The following SMURF1 variants were observed in gnomAD, a reference collection of about 807,000 sequenced individuals.
The protein encoded by SMURF1 is E3 ubiquitin-protein ligase SMURF1.
A neutral mutation model predicts 98.0 loss-of-function variants in SMURF1; 44 were observed. The ratio of observed to expected loss-of-function variants is 0.45; its 90% CI spans 0.35 to 0.58. The LOEUF (loss-of-function observed/expected upper bound fraction) is 0.58. Ranked by LOEUF, SMURF1 falls within the 20% of genes least tolerant of loss-of-function variation. The pLI, the probability that SMURF1 is intolerant of heterozygous loss-of-function variation, is 0.00. For synonymous variants in SMURF1, 396 were observed against 374.9 expected (o/e 1.06, Z -0.65); for missense variants, 687 against 938.4 (o/e 0.73, Z 3.50).
intron 12 of SMURF1, among the ~76,000 whole-genome samples, chr7:99,041,902 C>G (rs1301358529): frequency 1.3e-5 from 2 of 152,216 alleles, no homozygotes; most frequent in Non-Finnish European, 2.9e-5. Flanking sequence ...CCCTTCATCT[C>G]CTTCAACACA....
chr7:99,095,882 C>T lies in SMURF1; in HGVS notation c.56-34045G>A, dbSNP rs952941118. Among the ~76,000 whole-genome samples the T allele has an allele frequency of 2.0e-5, 3 of 152,180 alleles. No homozygotes were observed. In the East Asian group the frequency reaches 5.8e-4, roughly 29 times the overall value. The stretch of plus-strand genomic sequence containing the variant: ...AAGTCTAGAAGCCTGAGATCAGTGC[C>T]TGAGCCTGGAGAAAACCCAGATGTC... On this transcript the variant is annotated intron_variant, in intron 1 of 17. Coordinates refer to ENST00000361368, the MANE Select transcript of SMURF1 (RefSeq NM_181349.3).
chr7:99,132,315 G>A (rs2150643020), intron 1 of SMURF1, among the ~76,000 whole-genome samples: 1 of 152,208 alleles, frequency 6.6e-6, no homozygotes, highest in Non-Finnish European at 1.5e-5. Context: ...AAACAAGGAG[G>A]GCATTAATTC....
chr7:99,139,375 A>G (rs1284177560), intron 1 of SMURF1, among the ~76,000 whole-genome samples: 3 of 152,212 alleles, frequency 2.0e-5, no homozygotes, highest in Non-Finnish European at 4.4e-5. Context: ...ATATGCAGTC[A>G]TGCTCCAAAA....
At chr7:99,108,727 C>T (rs2150600921) in intron 1 of SMURF1, among the ~76,000 whole-genome samples, 2 of 151,056 alleles carry the variant, frequency 1.3e-5, no homozygotes, top group Middle Eastern at 6.9e-3. Flanking sequence ...AATTCCATCA[C>T]TAGACACACA....
intron 1 of SMURF1, among the ~76,000 whole-genome samples, chr7:99,139,536 C>A (rs1182128363): frequency 6.6e-6 from 1 of 152,014 alleles, no homozygotes; most frequent in African/African-American, 2.4e-5. Flanking sequence ...ATTCTTTTAC[C>A]CAAAGTGGCC....
At position 99,046,552 on chromosome 7, in the gene SMURF1, A is replaced by AC. The variant is rs572805433; in HGVS notation, c.1153-752dup. On this transcript the variant is annotated intron_variant, in intron 10 of 17. Coordinates refer to ENST00000361368, the MANE Select transcript of SMURF1 (RefSeq NM_181349.3). ...AGACCAGCCTGGCCAACATGGTGAA[A>AC]CCCCCCCATCTCTACTAAAAATACA... Among the ~76,000 whole-genome samples the AC allele has an allele frequency of 6.6e-3, 998 of 151,124 alleles. 8 individuals carry two copies. Among genetic ancestry groups the AC allele is most frequent in the African/African-American group, 0.021 (878 of 41,206 alleles).
chr7:99,051,522 C>T (rs1051813554), intron 7 of SMURF1, 81 bp from the exon 8 acceptor site: 1 of 1,052,760 alleles, frequency 9.5e-7, no homozygotes, highest in African/African-American at 1.6e-5. Context: ...GCCCTCACGT[C>T]TGGTATTATC....
chr7:99,067,790 A>T (rs149876451), intron 1 of SMURF1, among the ~76,000 whole-genome samples: 1 of 152,064 alleles, frequency 6.6e-6, no homozygotes. Context: ...TGTCTCTACT[A>T]AAAATACAAA....
At chr7:99,070,004 G>C (rs139006689) in intron 1 of SMURF1, among the ~76,000 whole-genome samples, 21 of 152,344 alleles carry the variant, frequency 1.4e-4, no homozygotes, top group South Asian at 1.0e-3. Context: ...CTCTGGTAAA[G>C]TGACAGTCCT....
intron 1 of SMURF1, among the ~76,000 whole-genome samples, chr7:99,112,393 A>G (rs1797345067): frequency 6.6e-6 from 1 of 152,206 alleles, no homozygotes; most frequent in South Asian, 2.1e-4. Flanking sequence ...TCAGCTGACC[A>G]CTAAGCTAGT....
chr7:99,075,038 G>A (rs1796419625), intron 1 of SMURF1, among the ~76,000 whole-genome samples: 1 of 152,112 alleles, frequency 6.6e-6, no homozygotes, highest in Non-Finnish European at 1.5e-5. Context: ...AAATTAAAAA[G>A]ACTGACAATA....
intron 1 of SMURF1, among the ~76,000 whole-genome samples, chr7:99,125,614 T>C (rs1387667113): frequency 3.3e-5 from 5 of 152,220 alleles, no homozygotes; most frequent in Non-Finnish European, 7.3e-5. Flanking sequence ...GCAGTCATCA[T>C]CACAGCTCAC....
At chr7:99,107,363 T>C (rs951129834) in intron 1 of SMURF1, among the ~76,000 whole-genome samples, 15 of 152,240 alleles carry the variant, frequency 9.9e-5, no homozygotes, top group African/African-American at 3.6e-4. Context: ...TGCCTGCCTG[T>C]ATCAAAACAT....
chr7:99,074,939 A>G (rs1357258915), intron 1 of SMURF1, among the ~76,000 whole-genome samples: 2 of 152,182 alleles, frequency 1.3e-5, no homozygotes, highest in Non-Finnish European at 2.9e-5. Context: ...GCACAGAAAA[A>G]CATGCTCAGT....
chr7:99,051,030 G>T (rs1412994621), intron 8 of SMURF1: 4 of 1,493,858 alleles, frequency 2.7e-6, no homozygotes, highest in South Asian at 1.2e-5. Context: ...AGAGAGAAAG[G>T]GTAACAGAGT....
chr7:99,049,090 CAAAA>C (rs548044588), intron 9 of SMURF1: 14 of 69,452 alleles, frequency 2.0e-4, no homozygotes, highest in East Asian at 4.0e-4. Flanking sequence ...GACTCTGTCT[CAAAA>C]AAAAAAAAAA....
chr7:99,070,829 A>T (rs1279671790), intron 1 of SMURF1, among the ~76,000 whole-genome samples: 1 of 152,036 alleles, frequency 6.6e-6, no homozygotes, highest in Non-Finnish European at 1.5e-5. Context: ...TATGAAAACA[A>T]CTGTTTTGCA....
At chr7:99,054,079 G>A (rs1050828320) in intron 6 of SMURF1, among the ~76,000 whole-genome samples, 10 of 152,076 alleles carry the variant, frequency 6.6e-5, no homozygotes, top group East Asian at 1.9e-4. Context: ...TTATAGGTGC[G>A]TGCCACCATG....
chr7:99,051,645 C>T (rs1260187835), intron 7 of SMURF1, among the ~76,000 whole-genome samples: 1 of 152,172 alleles, frequency 6.6e-6, no homozygotes, highest in Non-Finnish European at 1.5e-5. Context: ...TACAGACACC[C>T]TCATCTAGCC....
Sources: gnomAD v4.1 joint callset for allele counts (sites outside exome capture counted in the v4.1 genomes callset) on GRCh38, gnomAD v4.1.1 for gene constraint, MANE v1.5 for transcripts, NCBI Gene and HGNC (gene_info 2026-07-23, HGNC 2026-07-21) for gene names.